Variants in CACNA1C observed in about 807,000 individuals in gnomAD.
CACNA1C encodes voltage-dependent L-type calcium channel subunit alpha-1C.
Under a neutral mutation model 229.0 loss-of-function variants are expected in CACNA1C, and 30 were observed. The observed-to-expected ratio is 0.13, with a 90% confidence interval of 0.10 to 0.18. The LOEUF (loss-of-function observed/expected upper bound fraction) is 0.18, where lower values mean the gene tolerates loss of function less well. CACNA1C is among the 10% of genes least tolerant of loss of function. CACNA1C has a pLI of 1.00. For synonymous variants in CACNA1C, 1,114 were observed against 1,132.5 expected, an observed-to-expected ratio of 0.98 and a Z score of 0.33; for missense variants, 1,658 against 2,845.0, an observed-to-expected ratio of 0.58 and a Z score of 9.49.
chr12:2,498,597 C>A (rs1201068181), intron 7 of CACNA1C, among the ~76,000 whole-genome samples: 1 of 152,170 alleles, frequency 6.6e-6, no homozygotes, highest in Non-Finnish European at 1.5e-5. Flanking sequence ...TAAGGCCTGC[C>A]CAGGCAGTTC....
intron 19 of CACNA1C, among the ~76,000 whole-genome samples, chr12:2,594,040 ATTCC>A: frequency 6.6e-6 from 1 of 152,236 alleles, no homozygotes; most frequent in Non-Finnish European, 1.5e-5. Flanking sequence ...GAAAGGTGTT[ATTCC>A]ACTGTAAAGT....
intron 3 of CACNA1C, among the ~76,000 whole-genome samples, chr12:2,367,209 A>C (rs1020641595): frequency 6.6e-6 from 1 of 152,222 alleles, no homozygotes; most frequent in Admixed American, 6.5e-5. Flanking sequence ...CATGCAACCT[A>C]GATCTCTCAC....
intron 3 of CACNA1C, among the ~76,000 whole-genome samples, chr12:2,205,339 C>G (rs2097724714): frequency 6.6e-6 from 1 of 152,126 alleles, no homozygotes; most frequent in Non-Finnish European, 1.5e-5. Flanking sequence ...GGCATGTAGC[C>G]TGGGTACAGG....
intron 1 of CACNA1C, among the ~76,000 whole-genome samples, chr12:2,099,939 G>T (rs1355101035): frequency 6.6e-6 from 1 of 152,182 alleles, no homozygotes; most frequent in Non-Finnish European, 1.5e-5. Flanking sequence ...CTTTTTACAA[G>T]TGAGGAAGCT....
chr12:2,073,273 G>A (rs903321421), intron 1 of CACNA1C, among the ~76,000 whole-genome samples: 2 of 152,222 alleles, frequency 1.3e-5, no homozygotes, highest in Non-Finnish European at 2.9e-5. Context: ...TATTTTGTGA[G>A]GTTGAGTGGC....
chr12:2,177,196 C>T (rs2096672140), intron 3 of CACNA1C, among the ~76,000 whole-genome samples: 1 of 152,118 alleles, frequency 6.6e-6, no homozygotes, highest in African/African-American at 2.4e-5. Flanking sequence ...AAAGGCTGCT[C>T]GTGAATTTCT....
chr12:2,163,189 G>C (rs147873867), intron 3 of CACNA1C, among the ~76,000 whole-genome samples: 10 of 133,296 alleles, frequency 7.5e-5, no homozygotes, highest in African/African-American at 2.8e-4. Context: ...GGCAACAAGA[G>C]TGAAATTCCA....
rs955449415 is a variant in CACNA1C at position 2,254,697 on chromosome 12, G to A, written c.477+134267G>A. ...AGCCACTCAAACTACTCCATTGTGA[G>A]ATTTGCTATGGAGTCAGGGCTGAAG... is the stretch of plus-strand genomic sequence containing the variant. On this transcript the variant is annotated intron_variant, in intron 3 of 46. Coordinates refer to ENST00000399655, the MANE Select transcript of CACNA1C (RefSeq NM_000719.7). 7.9e-5 allele frequency among the ~76,000 whole-genome samples: 12 copies of A among 152,186 alleles called. No individual in the cohort carries two copies. The East Asian group carries it at 2.3e-3, about 29-fold the overall frequency.
intron 1 of CACNA1C, chr12:2,004,118 C>A: frequency 2.1e-6 from 2 of 964,392 alleles, no homozygotes; most frequent in Admixed American, 5.3e-5. Context: ...TTCCCCCAAA[C>A]CCCCGAGACC....
chr12:2,415,614 T>C (rs965325785), intron 3 of CACNA1C, among the ~76,000 whole-genome samples: 1 of 152,140 alleles, frequency 6.6e-6, no homozygotes, highest in South Asian at 2.1e-4. Flanking sequence ...CGCTCTCCTC[T>C]GAGTTGGTCA....
At chr12:2,524,049 A>G (rs1283182532) in intron 9 of CACNA1C, among the ~76,000 whole-genome samples, 2 of 152,190 alleles carry the variant, frequency 1.3e-5, no homozygotes, top group Non-Finnish European at 2.9e-5. Context: ...CCAGTAATGG[A>G]GGGAGATTAG....
At chr12:2,357,700 G>A (rs2154529373) in intron 3 of CACNA1C, among the ~76,000 whole-genome samples, 1 of 149,488 alleles carries the variant, frequency 6.7e-6, no homozygotes, top group Non-Finnish European at 1.5e-5. Flanking sequence ...GCCAGGCACA[G>A]TGGTTCACAC....
intron 3 of CACNA1C, among the ~76,000 whole-genome samples, chr12:2,261,667 A>C (rs563808003): frequency 6.6e-6 from 1 of 152,316 alleles, no homozygotes; most frequent in Non-Finnish European, 1.5e-5. Context: ...TACAAACAGC[A>C]CTATTTACTA....
At chr12:2,254,856 T>G (rs1489954147) in intron 3 of CACNA1C, among the ~76,000 whole-genome samples, 2 of 152,140 alleles carry the variant, frequency 1.3e-5, no homozygotes, top group Non-Finnish European at 2.9e-5. Context: ...AAAGATCTTT[T>G]CATATCCCCC....
At chr12:2,591,940 G>C (rs1018844779) in intron 18 of CACNA1C, among the ~76,000 whole-genome samples, 2 of 152,148 alleles carry the variant, frequency 1.3e-5, no homozygotes, top group African/African-American at 4.8e-5. Context: ...TTCCCTAAGT[G>C]TGTTTTTGTG....
At position 2,666,775 on chromosome 12, in the gene CACNA1C, C is replaced by T; in HGVS notation, c.4616C>T (p.Ala1539Val). ...GGGAAGCTGTGCCCTCACCGCGTGG[C>T]TTGCAAAGTAAGAGATAACGGGGTT... is the stretch of plus-strand genomic sequence containing the variant. Reference protein sequence around the residue: ...GFGKLCPHRVACKRLVSMNMP... With the variant: ...GFGKLCPHRVVCKRLVSMNMP... Residue 1539 changes from alanine (A) to valine (V), a missense_variant, in exon 37 of 47, where the codon GCT becomes GTT. Coordinates refer to ENST00000399655, the MANE Select transcript of CACNA1C (RefSeq NM_000719.7). The surrounding 1 kb of genome is among the most constrained non-coding windows in gnomAD (Gnocchi z 5.3). The T allele has an allele frequency of 6.3e-7, 1 of 1,596,500 alleles. No homozygotes were observed. Among genetic ancestry groups the T allele is most frequent in the South Asian group, 1.1e-5 (1 of 88,068 alleles).
intron 5 of CACNA1C, among the ~76,000 whole-genome samples, chr12:2,471,778 G>A (rs923194841): frequency 5.3e-5 from 8 of 152,132 alleles, no homozygotes; most frequent in East Asian, 1.9e-4. Flanking sequence ...CGCCTCCTGG[G>A]TTCAAGCAAT....
intron 29 of CACNA1C, among the ~76,000 whole-genome samples, chr12:2,623,295 C>T (rs2084385843): frequency 6.6e-6 from 1 of 152,054 alleles, no homozygotes; most frequent in Non-Finnish European, 1.5e-5. Flanking sequence ...TGGGTCCCTG[C>T]AGAAGCTTCG....
intron 1 of CACNA1C, among the ~76,000 whole-genome samples, chr12:2,068,172 C>G (rs1044443332): frequency 6.6e-6 from 1 of 152,136 alleles, no homozygotes; most frequent in African/African-American, 2.4e-5. Context: ...GGATGTGAGT[C>G]TTTGATGCCA....
Sources: allele counts gnomAD v4.1 joint callset (sites outside exome capture counted in the v4.1 genomes callset), GRCh38; gene constraint gnomAD v4.1.1; non-coding constraint Gnocchi (gnomAD v3.1); transcripts MANE v1.5; gene names NCBI Gene and HGNC (gene_info 2026-07-23, HGNC 2026-07-21).